Variants in MCMDC2 observed in about 807,000 individuals in gnomAD.
MCMDC2 encodes minichromosome maintenance domain-containing protein 2.
Under a neutral mutation model 75.8 loss-of-function variants are expected in MCMDC2, and 54 were observed. The ratio of observed to expected loss-of-function variants is 0.71; its 90% CI spans 0.57 to 0.89. The LOEUF (loss-of-function observed/expected upper bound fraction) is 0.89, where lower values mean the gene tolerates loss of function less well. MCMDC2 is among the 40% of genes least tolerant of loss of function. MCMDC2 has a pLI of 0.00. For missense variants in MCMDC2, 656 were observed against 780.4 expected, an observed-to-expected ratio of 0.84 and a Z score of 1.90; for synonymous variants, 249 against 274.6, an observed-to-expected ratio of 0.91 and a Z score of 0.92.
chr8:66,920,211 T>C lies in MCMDC2; in HGVS notation c.*1042T>C, dbSNP rs1489369651. 6.6e-6 allele frequency: 1 copy of C among 152,214 alleles called. No individual in the cohort carries two copies. Among genetic ancestry groups the C allele is most frequent in the Non-Finnish European group, 1.5e-5 (1 of 68,128 alleles). 9.4% of individuals were successfully genotyped at this position (152,214 alleles called of 1,614,324 possible). A position where few individuals can be genotyped will look rare whatever the true frequency, so the allele number is the denominator to read the frequency against. ...CCTACTAGTAGCAGGGAGTAAACAG[T>C]ATTAGTTTTCAGAAGCCAAAGGTAG... is the stretch of plus-strand genomic sequence containing the variant. On this transcript the variant is annotated 3_prime_UTR_variant, in exon 15 of 15. Transcript: ENST00000422365.
chr8:66,917,781 A>G (rs1813378107), intron 14 of MCMDC2, among the ~76,000 whole-genome samples: 1 of 152,252 alleles, frequency 6.6e-6, no homozygotes. Context: ...GTATGTAAAT[A>G]GAATGTTTCG....
chr8:66,913,821 G>A (rs918804943), intron 14 of MCMDC2, among the ~76,000 whole-genome samples: 6 of 151,852 alleles, frequency 4.0e-5, no homozygotes, highest in African/African-American at 2.4e-5. Context: ...AAAATTAGCC[G>A]GGTGTGGTGG....
chr8:66,902,764 A>G lies in MCMDC2; in HGVS notation c.1769+1416A>G, dbSNP rs1313621066. 2.1e-5 allele frequency among the ~76,000 whole-genome samples: 3 copies of G among 145,860 alleles called. No individual in the cohort carries two copies. The East Asian group carries it at 6.0e-4, about 29-fold the overall frequency. On this transcript the variant is annotated intron_variant, in intron 13 of 14. Transcript: ENST00000422365. ...TATACATATATCTTTTCATATGTAAACTGAGACTATGTGAGTTCAAATACA... is the reference window on the plus strand; with the variant it reads ...TATACATATATCTTTTCATATGTAAGCTGAGACTATGTGAGTTCAAATACA...
intron 5 of MCMDC2, 65 bp downstream of exon 5, chr8:66,877,609 A>T (rs1811353845): frequency 1.6e-6 from 2 of 1,224,172 alleles, no homozygotes; most frequent in Admixed American, 5.1e-5. Context: ...TCACACCTGT[A>T]ATCCCTGCAC....
chr8:66,908,886 T>G (rs770442480), intron 14 of MCMDC2, among the ~76,000 whole-genome samples: 14 of 152,240 alleles, frequency 9.2e-5, no homozygotes, highest in Admixed American at 6.5e-4. Context: ...GTGCTGAGAT[T>G]GCAGGTGTGA....
chr8:66,896,029 T>A, intron 10 of MCMDC2, 141 bp from the exon 11 acceptor site: 2 of 678,500 alleles, frequency 2.9e-6, no homozygotes, highest in Non-Finnish European at 4.7e-6. Flanking sequence ...TAGAGCATTG[T>A]CTTGCAAAAC....
chr8:66,896,080 T>C lies in MCMDC2; in HGVS notation c.1280-90T>C, dbSNP rs1812337769. On this transcript the variant is annotated intron_variant, in intron 10 of 14. Coordinates refer to ENST00000422365, the MANE Select transcript of MCMDC2 (RefSeq NM_173518.5). Reference sequence around the variant, plus strand: ...CTTTCACTATCCAAAGTCTACACAGTATAATTATATATAATAATGTGTTAG... The same window carrying C: ...CTTTCACTATCCAAAGTCTACACAGCATAATTATATATAATAATGTGTTAG... 2.6e-6 allele frequency: 3 copies of C among 1,165,338 alleles called. No homozygotes were observed. The South Asian group carries it at 4.3e-5, about 17-fold the overall frequency. The allele number at this position is 1,165,338 out of a possible 1,614,324, so 72.2% of individuals were successfully genotyped here.
At chr8:66,908,823 C>A (rs1813000644) in intron 14 of MCMDC2, among the ~76,000 whole-genome samples, 1 of 152,182 alleles carries the variant, frequency 6.6e-6, no homozygotes, top group Non-Finnish European at 1.5e-5. Flanking sequence ...GTTAGCCAGG[C>A]TGGTCTCAAA....
chr8:66,925,582 G>GC (rs1362595494), downstream of MCMDC2: 3 of 152,244 alleles, frequency 2.0e-5, no homozygotes, highest in African/African-American at 7.2e-5. Context: ...CACTCCGGTG[G>GC]CCCCGCCTCT....
chr8:66,916,660 G>A (rs1813335971), intron 14 of MCMDC2, among the ~76,000 whole-genome samples: 1 of 152,070 alleles, frequency 6.6e-6, no homozygotes, highest in African/African-American at 2.4e-5. Context: ...TAAAGGGAGG[G>A]ACTTTTAAGC....
chr8:66,889,831 TGA>T lies in MCMDC2; in HGVS notation c.1074-1027_1074-1026del, dbSNP rs1316307543. ...GCCACTGCACTAGAGCCTTGGCGAC[TGA>T]GAGAGACTCAAACAGAACAAAAGAA... On this transcript the variant is annotated intron_variant, in intron 9 of 14. Transcript: ENST00000422365. Among the ~76,000 whole-genome samples, 7 of 151,990 alleles carry T rather than the reference TGA, an allele frequency of 4.6e-5. No homozygotes were observed. The East Asian group carries it at 1.4e-3, about 29-fold the overall frequency.
intron 14 of MCMDC2, among the ~76,000 whole-genome samples, chr8:66,916,849 G>A (rs1014438903): frequency 2.6e-5 from 4 of 152,144 alleles, no homozygotes; most frequent in African/African-American, 7.2e-5. Flanking sequence ...TCCTATGACC[G>A]TGGGATGTAT....
chr8:66,926,320 A>G (rs1345621746), downstream of MCMDC2: 1 of 152,252 alleles, frequency 6.6e-6, no homozygotes, highest in Admixed American at 6.5e-5. Context: ...AGAAAGGCTT[A>G]TGATCTTGTT....
At position 66,870,775 on chromosome 8, in the gene MCMDC2, C is replaced by G. The variant is rs976056801; in HGVS notation, c.-145C>G. The G allele has an allele frequency of 6.6e-6, 1 of 152,240 alleles. No homozygotes were observed. Among genetic ancestry groups the G allele is most frequent in the Non-Finnish European group, 1.5e-5 (1 of 68,050 alleles). The allele number at this position is 152,240 out of a possible 1,614,324, so 9.4% of individuals were successfully genotyped here. A position where few individuals can be genotyped will look rare whatever the true frequency, so the allele number is the denominator to read the frequency against. ...GGACGTGCGCGCATGCGCGCTAGGACTCCGCTCCGCCTACGCTGCAGGCGG... is the reference window on the plus strand; with the variant it reads ...GGACGTGCGCGCATGCGCGCTAGGAGTCCGCTCCGCCTACGCTGCAGGCGG... On this transcript the variant is annotated 5_prime_UTR_variant, in exon 1 of 15. Coordinates refer to ENST00000422365, the MANE Select transcript of MCMDC2 (RefSeq NM_173518.5).
Position 66,918,987 on chromosome 8 carries a change from T to C in MCMDC2, c.1880-16T>C. ...GGAGTATTTGTCATTTACACTCTAT[T>C]ATCTTCTTCATTTAGGGGCCACTGT... On this transcript the variant is annotated splice_polypyrimidine_tract_variant and intron_variant, in intron 14 of 14. Transcript: ENST00000422365. 3 of 1,489,248 alleles carry C rather than the reference T, an allele frequency of 2.0e-6. No homozygotes were observed. Among genetic ancestry groups the C allele is most frequent in the African/African-American group, 1.4e-5 (1 of 70,764 alleles). The allele number at this position is 1,489,248 out of a possible 1,614,324, so 92.3% of individuals were successfully genotyped here.
intron 14 of MCMDC2, among the ~76,000 whole-genome samples, chr8:66,910,809 C>CAA (rs765402558): frequency 7.4e-6 from 1 of 135,450 alleles, no homozygotes; most frequent in Non-Finnish European, 1.6e-5. Flanking sequence ...AACTCCATCT[C>CAA]AAAAAAAAAA....
intron 1 of MCMDC2, among the ~76,000 whole-genome samples, chr8:66,873,104 A>T (rs1018541471): frequency 6.6e-6 from 1 of 151,904 alleles, no homozygotes; most frequent in Non-Finnish European, 1.5e-5. Flanking sequence ...TAATCATTTT[A>T]TTTCTAGCAC....
downstream of MCMDC2, among the ~76,000 whole-genome samples, chr8:66,925,825 G>C (rs1813702609): frequency 6.6e-6 from 1 of 152,164 alleles, no homozygotes; most frequent in African/African-American, 2.4e-5. Flanking sequence ...TAATTTACCA[G>C]TTTGCAGTGG....
At chr8:66,908,269 G>A (rs1812980870) in intron 14 of MCMDC2, among the ~76,000 whole-genome samples, 1 of 152,194 alleles carries the variant, frequency 6.6e-6, no homozygotes, top group Non-Finnish European at 1.5e-5. Flanking sequence ...AAGGGGTCCA[G>A]TTTCTGTTTT....
Sources: allele counts gnomAD v4.1 joint callset (sites outside exome capture counted in the v4.1 genomes callset), GRCh38; gene constraint gnomAD v4.1.1; transcripts MANE v1.5; gene names NCBI Gene and HGNC (gene_info 2026-07-23, HGNC 2026-07-21).